The following ADGRE2 variants were observed in gnomAD, a reference collection of about 807,000 sequenced individuals.
ADGRE2 encodes the protein adhesion G protein-coupled receptor E2.
A neutral mutation model predicts 100.8 loss-of-function variants in ADGRE2; 83 were observed. That is an observed-to-expected ratio of 0.82 (90% CI 0.69 to 0.99). The LOEUF (loss-of-function observed/expected upper bound fraction) is 0.99. Ranked by LOEUF, ADGRE2 falls within the 50% of genes least tolerant of loss-of-function variation. ADGRE2 has a pLI of 0.00. For missense variants in ADGRE2, 814 were observed against 1,035.7 expected, an observed-to-expected ratio of 0.79 and a Z score of 2.94; for synonymous variants, 355 against 413.0, an observed-to-expected ratio of 0.86 and a Z score of 1.70.
chr19:14,738,139 T>C lies in ADGRE2; in HGVS notation c.2464-1895A>G, dbSNP rs140264919. 8.5e-5 allele frequency among the ~76,000 whole-genome samples: 13 copies of C among 152,296 alleles called. No homozygotes were observed. The East Asian group carries it at 2.5e-3, about 29-fold the overall frequency. Reference sequence around the variant, plus strand: ...TATCTTAGTTACCCTGATTTGCTTATATGAGTGTAGCAAATGATCACATGT... The same window carrying C: ...TATCTTAGTTACCCTGATTTGCTTACATGAGTGTAGCAAATGATCACATGT... On this transcript the variant is annotated intron_variant, in intron 20 of 20. Coordinates refer to ENST00000315576, the MANE Select transcript of ADGRE2 (RefSeq NM_013447.4).
chr19:14,757,790 C>T (rs1235517515), intron 11 of ADGRE2, among the ~76,000 whole-genome samples: 2 of 152,064 alleles, frequency 1.3e-5, no homozygotes, highest in African/African-American at 2.4e-5. Flanking sequence ...GTCTTGGATG[C>T]GGTAATGAAT....
In ADGRE2 at chr19:14,743,750, T is replaced by C. The variant is rs758592313; in HGVS notation, c.2218A>G (p.Ile740Val). The C allele has an allele frequency of 6.2e-7, 1 of 1,614,194 alleles. No homozygotes were observed. The highest frequency in any genetic ancestry group is 1.7e-5 in the Admixed American group (1 of 60,024). Reference sequence around the variant, plus strand: ...CCCAGACACCACGTGCAGCCCAGGATGAACAGCTGAGCTGTCGCTTTAAAT... The same window carrying C: ...CCCAGACACCACGTGCAGCCCAGGACGAACAGCTGAGCTGTCGCTTTAAAT... The part of the protein sequence containing the change: ...LAFKATAQLF[I>V]LGCTWCLGIL... Residue 740 changes from isoleucine to valine, a missense_variant, in exon 19 of 21, where the codon ATC becomes GTC. By Grantham distance (29) the Ile-to-Val change is conservative. Around this residue, in one of 5 missense-constraint regions of ADGRE2, gnomAD observed 569 missense variants for 692.7 expected, o/e 0.82. Coordinates refer to ENST00000315576, the MANE Select transcript of ADGRE2 (RefSeq NM_013447.4).
rs1301575159 is a variant in ADGRE2, at chr19:14,735,395, G to A, written c.*841C>T. The A allele has an allele frequency of 6.6e-6, 1 of 152,026 alleles. No individual in the cohort carries two copies. Among genetic ancestry groups the A allele is most frequent in the African/African-American group, 2.4e-5 (1 of 41,374 alleles). The allele number at this position is 152,026 out of a possible 1,614,324, so 9.4% of individuals were successfully genotyped here. A position where few individuals can be genotyped will look rare whatever the true frequency, so the allele number is the denominator to read the frequency against. On this transcript the variant is annotated 3_prime_UTR_variant, in exon 21 of 21. Transcript: ENST00000315576. ...CATGAACTGTGCCATACCCATCTTC[G>A]AGGTTTTATGGTCATGTAGAATTTC...
the ADGRE2 span, among the ~76,000 whole-genome samples, chr19:14,727,308 G>A: frequency 0.96 from 146,190 of 152,222 alleles, 70,205 homozygotes; most frequent in Middle Eastern, 1. Context: ...GATTACAGGT[G>A]TGAGCCACCA....
intron 11 of ADGRE2, among the ~76,000 whole-genome samples, chr19:14,756,916 T>C (rs911574501): frequency 2.7e-5 from 4 of 148,438 alleles, no homozygotes; most frequent in Non-Finnish European, 6.0e-5. Context: ...TTTTGAGTAT[T>C]TTTTTTTTTT....
At chr19:14,747,053 CACTT>C (rs1282021962) in intron 16 of ADGRE2, 91 bp from the exon 17 acceptor site, 2 of 1,046,714 alleles carry the variant, frequency 1.9e-6, no homozygotes, top group Non-Finnish European at 2.9e-6. Context: ...ACCACTTCCT[CACTT>C]CCTTCCTACG....
chr19:14,754,916 C>G (rs776738373), intron 14 of ADGRE2, 38 bp downstream of exon 14: 1 of 1,593,618 alleles, frequency 6.3e-7, no homozygotes, highest in African/African-American at 1.3e-5. Flanking sequence ...TGTTACACGG[C>G]AATAAATGCA....
At chr19:14,743,339 C>T in intron 20 of ADGRE2, 81 bp downstream of exon 20, 2 of 1,116,918 alleles carry the variant, frequency 1.8e-6, no homozygotes, top group African/African-American at 1.5e-5. Context: ...CTGCTGTATT[C>T]CCAGGTTTCC....
In ADGRE2 at chr19:14,743,751, G is replaced by T; in HGVS notation, c.2217C>A (p.Phe739Leu). 2 of 1,614,166 alleles carry T rather than the reference G, an allele frequency of 1.2e-6. No individual in the cohort carries two copies. The highest frequency in any genetic ancestry group is 1.7e-6 in the Non-Finnish European group (2 of 1,180,018). Reference protein sequence around the residue: ...MLAFKATAQLFILGCTWCLGI... With the variant: ...MLAFKATAQLLILGCTWCLGI... ...CCAGACACCACGTGCAGCCCAGGAT[G>T]AACAGCTGAGCTGTCGCTTTAAATG... The change falls in exon 19 of 21, where the codon TTC (phenylalanine) becomes TTA (leucine). Residue 739 changes from phenylalanine (F) to leucine (L), a missense_variant. Phe to Leu is a conservative substitution (Grantham distance 22). Coordinates refer to ENST00000315576, the MANE Select transcript of ADGRE2 (RefSeq NM_013447.4).
At chr19:14,749,410 T>G in intron 16 of ADGRE2, among the ~76,000 whole-genome samples, 1 of 124,174 alleles carries the variant, frequency 8.1e-6, no homozygotes, top group South Asian at 2.5e-4. Flanking sequence ...TAATTATTTA[T>G]AGTTATATAA....
At chr19:14,744,138 G>A (rs1437594372) in intron 18 of ADGRE2, among the ~76,000 whole-genome samples, 2 of 151,950 alleles carry the variant, frequency 1.3e-5, no homozygotes, top group Non-Finnish European at 2.9e-5. Context: ...CAGCTACTCA[G>A]GAGGCTGGGG....
intron 16 of ADGRE2, among the ~76,000 whole-genome samples, chr19:14,749,091 A>G (rs1402366151): frequency 6.6e-6 from 1 of 151,096 alleles, no homozygotes; most frequent in Non-Finnish European, 1.5e-5. Context: ...AGATCACATT[A>G]TAATTATATA....
rs748886893 is a variant in ADGRE2, at chr19:14,752,365, G to A, written c.1752C>T (p.Leu584=). ...TTTGATCAATTGCCACGAGGAAGAG[G>A]AGGTGGGCCAGGAAGAGGCAGAGCG... ...QLSLCLFLAH[L]LFLVAIDQTG... The change falls in exon 15 of 21, where the codon CTC becomes CTT. Residue 584 remains leucine, a synonymous_variant. Coordinates refer to ENST00000315576, the MANE Select transcript of ADGRE2 (RefSeq NM_013447.4). 6 of 1,614,094 alleles carry A rather than the reference G, an allele frequency of 3.7e-6. No homozygotes were observed. The highest frequency in any genetic ancestry group is 5.1e-6 in the Non-Finnish European group (6 of 1,180,058).
chr19:14,754,930 T>C (rs2043435512), intron 14 of ADGRE2, 24 bp downstream of exon 14: 1 of 1,608,648 alleles, frequency 6.2e-7, no homozygotes, highest in Non-Finnish European at 8.5e-7. Flanking sequence ...AAATGCAGAG[T>C]GCATCCCCTC....
At chr19:14,767,429 C>T (rs1243017073) in intron 5 of ADGRE2, among the ~76,000 whole-genome samples, 5 of 152,068 alleles carry the variant, frequency 3.3e-5, no homozygotes, top group East Asian at 1.9e-4. Context: ...TAGTATTAGA[C>T]GGGGTTTCAC....
downstream of ADGRE2, among the ~76,000 whole-genome samples, chr19:14,727,979 T>G (rs1182925710): frequency 1.3e-5 from 2 of 152,158 alleles, no homozygotes; most frequent in African/African-American, 2.4e-5. Context: ...TCCCAGCACT[T>G]TGGGAGGCTG....
chr19:14,772,352 G>C lies in ADGRE2; in HGVS notation c.345C>G (p.Asn115Lys). ...GAKTFKNESENTCQDVDECQQ... is the reference protein window; with the variant it reads ...GAKTFKNESEKTCQDVDECQQ... ...TGGGGTGGTTCTTACCTTGACACGTGTTCTCGCTCTCATTCTTGAATGTTT... is the reference window on the plus strand; with the variant it reads ...TGGGGTGGTTCTTACCTTGACACGTCTTCTCGCTCTCATTCTTGAATGTTT... Residue 115 changes from asparagine (N) to lysine (K), a missense_variant, in exon 5 of 21, where the codon AAC becomes AAG. Asn to Lys is a moderately conservative substitution (Grantham distance 94). This residue lies in a region of ADGRE2 where 143 missense variants were observed against 160.3 expected (regional missense o/e 0.89). Transcript: ENST00000315576. 1 of 1,614,124 alleles carries C rather than the reference G, an allele frequency of 6.2e-7. No individual in the cohort carries two copies. The highest frequency in any genetic ancestry group is 8.5e-7 in the Non-Finnish European group (1 of 1,180,042).
intron 14 of ADGRE2, among the ~76,000 whole-genome samples, chr19:14,752,835 G>A (rs1599822725): frequency 6.6e-6 from 1 of 151,568 alleles, no homozygotes; most frequent in Non-Finnish European, 1.5e-5. Context: ...GCAGTGGTGC[G>A]ATCTCTGCTC....
rs751944728 is a variant in ADGRE2 at position 14,743,757 on chromosome 19, C to T, written c.2211G>A (p.Gln737=). Residue 737 remains glutamine (Q), a synonymous_variant, in exon 19 of 21, where the codon CAG becomes CAA. Coordinates refer to ENST00000315576, the MANE Select transcript of ADGRE2 (RefSeq NM_013447.4). The stretch of plus-strand genomic sequence containing the variant: ...ACCACGTGCAGCCCAGGATGAACAG[C>T]TGAGCTGTCGCTTTAAATGCCAGCA... The part of the protein sequence containing the change: ...TRMLAFKATA[Q]LFILGCTWCL... 6 of 1,614,092 alleles carry T rather than the reference C, an allele frequency of 3.7e-6. No individual in the cohort carries two copies. In the Admixed American group the frequency reaches 1.0e-4, roughly 27 times the overall value.
Sources: allele counts gnomAD v4.1 joint callset (sites outside exome capture counted in the v4.1 genomes callset), GRCh38; gene constraint gnomAD v4.1.1; regional missense constraint gnomAD v4.1.1; transcripts MANE v1.5; gene names NCBI Gene and HGNC (gene_info 2026-07-23, HGNC 2026-07-21).